The following TMED2 variants were observed in gnomAD, a reference collection of about 807,000 sequenced individuals.
TMED2 encodes the protein transmembrane p24 trafficking protein 2.
TMED2 carries 3 observed loss-of-function variants against 17.5 expected under a neutral mutation model. The ratio of observed to expected loss-of-function variants is 0.17; its 90% CI spans 0.08 to 0.44. The LOEUF (loss-of-function observed/expected upper bound fraction) is 0.44. TMED2 is among the 20% of genes least tolerant of loss of function. The probability of loss-of-function intolerance (pLI) is 0.99; values close to 1 mark genes in which losing one functional copy is unlikely to be tolerated. For missense variants in TMED2, 149 were observed against 254.8 expected, an observed-to-expected ratio of 0.58 and a Z score of 2.83; for synonymous variants, 95 against 91.0, an observed-to-expected ratio of 1.04 and a Z score of -0.25.
intron 1 of TMED2, among the ~76,000 whole-genome samples, chr12:123,585,364 C>T (rs1466106338): frequency 6.6e-6 from 1 of 152,174 alleles, no homozygotes; most frequent in East Asian, 1.9e-4. Context: ...CTCTTTACGC[C>T]TCCAGCTACC....
chr12:123,587,471 GT>G (rs1204323823), intron 2 of TMED2: 5 of 456,448 alleles, frequency 1.1e-5, no homozygotes, highest in Admixed American at 5.3e-5. Flanking sequence ...GAGCATGTAG[GT>G]TCCATGTGTC....
At chr12:123,595,439 C>T (rs985158705) in intron 3 of TMED2, among the ~76,000 whole-genome samples, 2 of 152,068 alleles carry the variant, frequency 1.3e-5, no homozygotes, top group African/African-American at 2.4e-5. Flanking sequence ...CCATTGAGAA[C>T]AATTGACAAG....
intron 3 of TMED2, among the ~76,000 whole-genome samples, chr12:123,594,604 T>C (rs939330502): frequency 2.6e-5 from 4 of 151,870 alleles, no homozygotes; most frequent in Non-Finnish European, 5.9e-5. Flanking sequence ...ATAAAATAAA[T>C]TGGCCAGGCG....
At chr12:123,587,020 G>A (rs1953352964) in intron 2 of TMED2, 81 bp downstream of exon 2, 1 of 1,258,056 alleles carries the variant, frequency 7.9e-7, no homozygotes, top group Non-Finnish European at 1.0e-6. Context: ...TCTGAGTGGA[G>A]TACTTATTTT....
At chr12:123,595,497 A>C (rs1953424750) in intron 3 of TMED2, among the ~76,000 whole-genome samples, 1 of 152,140 alleles carries the variant, frequency 6.6e-6, no homozygotes, top group Non-Finnish European at 1.5e-5. Context: ...GGAAAAAGAC[A>C]CTCAGACTGC....
intron 2 of TMED2, chr12:123,587,777 A>AT (rs142803633): frequency 1.0e-4 from 66 of 634,294 alleles, no homozygotes; most frequent in Non-Finnish European, 1.2e-4. Flanking sequence ...TTGGATTGAT[A>AT]TTTTTTTTGG....
At chr12:123,585,755 G>A (rs1256009493) in intron 1 of TMED2, 2 of 152,212 alleles carry the variant, frequency 1.3e-5, no homozygotes, top group Non-Finnish European at 2.9e-5. Flanking sequence ...AAGAGCGACT[G>A]ACTTGATCAC....
At chr12:123,592,467 A>G (rs1953399191) in intron 3 of TMED2, among the ~76,000 whole-genome samples, 1 of 152,208 alleles carries the variant, frequency 6.6e-6, no homozygotes, top group Admixed American at 6.5e-5. Context: ...AGGGTGTCCA[A>G]CCTTGTTCTC....
chr12:123,594,244 C>A (rs137909390), intron 3 of TMED2, among the ~76,000 whole-genome samples: 12,521 of 151,612 alleles, frequency 0.083, 597 homozygotes, highest in Non-Finnish European at 0.11. Context: ...ACGCCATTCT[C>A]CTGCCTCAGC....
In TMED2 at chr12:123,584,611, G is replaced by C. The variant is rs772034878; in HGVS notation, c.-26G>C. The stretch of plus-strand genomic sequence containing the variant: ...GGCGGCTGTGGAGGCCGCAGTCCGG[G>C]TCCTGGCTTCGGCCTCAGCCCCACC... On this transcript the variant is annotated 5_prime_UTR_variant, in exon 1 of 4. Transcript: ENST00000262225. 2.5e-6 allele frequency: 4 copies of C among 1,599,936 alleles called. No individual in the cohort carries two copies. Among genetic ancestry groups the C allele is most frequent in the Non-Finnish European group, 3.4e-6 (4 of 1,176,594 alleles).
intron 1 of TMED2, 57 bp from the exon 2 acceptor site, chr12:123,586,690 A>AC: frequency 6.9e-7 from 1 of 1,439,916 alleles, no homozygotes; most frequent in Non-Finnish European, 9.4e-7. Flanking sequence ...GACATTACTT[A>AC]TAAAGTCTAT....
chr12:123,595,344 G>A (rs1566166938), intron 3 of TMED2, among the ~76,000 whole-genome samples: 1 of 152,210 alleles, frequency 6.6e-6, no homozygotes, highest in Non-Finnish European at 1.5e-5. Flanking sequence ...TAGTTTGAGA[G>A]CAGGACAGAT....
At position 123,598,315 on chromosome 12, in the gene TMED2, C is replaced by T. The variant is rs1188384845; in HGVS notation, c.*1586C>T. On this transcript the variant is annotated 3_prime_UTR_variant, in exon 4 of 4. Transcript: ENST00000262225. The stretch of plus-strand genomic sequence containing the variant: ...GAATGGTACCAAGTTTTAGTTTCTG[C>T]GTAGGTTTTCCAGTGTGGCTTCTCT... 6.6e-6 allele frequency: 1 copy of T among 152,118 alleles called. No homozygotes were observed. Among genetic ancestry groups the T allele is most frequent in the Non-Finnish European group, 1.5e-5 (1 of 68,030 alleles). The allele number at this position is 152,118 out of a possible 1,614,324, so 9.4% of individuals were successfully genotyped here. A position where few individuals can be genotyped will look rare whatever the true frequency, so the allele number is the denominator to read the frequency against.
At chr12:123,584,914 T>C in intron 1 of TMED2, 98 bp downstream of exon 1, 1 of 1,451,530 alleles carries the variant, frequency 6.9e-7, no homozygotes, top group Non-Finnish European at 9.3e-7. Context: ...GGAGTGGGCT[T>C]GGAAGTCGCT....
intron 1 of TMED2, chr12:123,585,247 C>A (rs949911791): frequency 6.1e-6 from 1 of 162,886 alleles, no homozygotes; most frequent in Admixed American, 5.9e-5. Context: ...GGCACGGAAA[C>A]TTTTCCAAAA....
intron 2 of TMED2, among the ~76,000 whole-genome samples, chr12:123,588,299 T>G (rs188241358): frequency 1.3e-5 from 2 of 152,172 alleles, no homozygotes; most frequent in African/African-American, 4.8e-5. Context: ...TCCCAGATAT[T>G]CAGTATCAGT....
intron 1 of TMED2, 112 bp from the exon 2 acceptor site, chr12:123,586,635 C>T: frequency 8.7e-7 from 1 of 1,147,190 alleles, no homozygotes; most frequent in Non-Finnish European, 1.2e-6. Context: ...CAGGCGTGAG[C>T]CACCATGCCC....
intron 3 of TMED2, 75 bp from the exon 4 acceptor site, chr12:123,596,530 C>G: frequency 2.0e-6 from 3 of 1,523,198 alleles, no homozygotes; most frequent in Non-Finnish European, 2.6e-6. Flanking sequence ...AGAGTGAAGA[C>G]TAAAATATTT....
At chr12:123,592,296 G>C (rs1201119934) in intron 3 of TMED2, among the ~76,000 whole-genome samples, 1 of 152,306 alleles carries the variant, frequency 6.6e-6, no homozygotes, top group South Asian at 2.1e-4. Flanking sequence ...CTTGTTCCCA[G>C]ATGGGGAAAC....
Sources: gnomAD v4.1 joint callset for allele counts (sites outside exome capture counted in the v4.1 genomes callset) on GRCh38, gnomAD v4.1.1 for gene constraint, MANE v1.5 for transcripts, NCBI Gene and HGNC (gene_info 2026-07-23, HGNC 2026-07-21) for gene names.